JMY: variants seen among roughly 807,000 people sequenced by gnomAD.
The protein encoded by JMY is junction-mediating and -regulatory protein.
In JMY, 46 loss-of-function variants were observed where a neutral mutation model predicts 103.3. The ratio of observed to expected loss-of-function variants is 0.45; its 90% CI spans 0.35 to 0.57. The LOEUF (loss-of-function observed/expected upper bound fraction) is 0.57. JMY is among the 20% of genes least tolerant of loss of function. The pLI is 0.00. For missense variants in JMY, 1,238 were observed against 1,255.2 expected, an observed-to-expected ratio of 0.99 and a Z score of 0.21; for synonymous variants, 526 against 489.3, an observed-to-expected ratio of 1.07 and a Z score of -0.99.
At chr5:79,267,738 A>T (rs1218404600) in intron 1 of JMY, among the ~76,000 whole-genome samples, 2 of 152,234 alleles carry the variant, frequency 1.3e-5, no homozygotes, top group Non-Finnish European at 2.9e-5. Context: ...TTCTTGCCGA[A>T]CATTTCATTG....
chr5:79,281,169 C>CGAGT (rs1746096982), intron 2 of JMY, among the ~76,000 whole-genome samples: 1 of 151,378 alleles, frequency 6.6e-6, no homozygotes, highest in Non-Finnish European at 1.5e-5. Context: ...CTCAGCTTCC[C>CGAGT]GAGTAGCTGG....
At chr5:79,263,371 G>A (rs754021849) in intron 1 of JMY, among the ~76,000 whole-genome samples, 13 of 152,048 alleles carry the variant, frequency 8.5e-5, no homozygotes, top group East Asian at 5.8e-4. Flanking sequence ...GAATATGCAC[G>A]GTCTTTGTTA....
At chr5:79,244,679 G>A (rs1012946423) in intron 1 of JMY, among the ~76,000 whole-genome samples, 3 of 149,272 alleles carry the variant, frequency 2.0e-5, no homozygotes, top group Non-Finnish European at 4.4e-5. Flanking sequence ...TTTTGGTAAC[G>A]AGAAGTTTCC....
chr5:79,280,263 CA>C (rs1746069038), intron 2 of JMY, among the ~76,000 whole-genome samples: 1 of 152,218 alleles, frequency 6.6e-6, no homozygotes, highest in South Asian at 2.1e-4. Flanking sequence ...CATTGTTTAG[CA>C]GACATAATCT....
Position 79,291,287 on chromosome 5 carries a change from A to T in JMY, c.1515A>T (p.Ala505=), listed in dbSNP as rs1171034958. ...KEICLEQRKH[A]LKEEMQSLRG... ...TATGCTTGGAACAGCGGAAACATGC[A>T]CTAAAGGAAGAGGTAACAAAAATCA... The change falls in exon 4 of 11, where the codon GCA becomes GCT. Residue 505 remains alanine, a synonymous_variant. Coordinates refer to ENST00000396137, the MANE Select transcript of JMY (RefSeq NM_152405.5). The T allele has an allele frequency of 1.9e-6, 3 of 1,566,940 alleles. No homozygotes were observed. Among genetic ancestry groups the T allele is most frequent in the Non-Finnish European group, 2.6e-6 (3 of 1,160,296 alleles).
intron 6 of JMY, among the ~76,000 whole-genome samples, chr5:79,302,724 G>T (rs1746775200): frequency 6.6e-6 from 1 of 152,196 alleles, no homozygotes; most frequent in Admixed American, 6.5e-5. Context: ...GTTAAGCAAA[G>T]GGGTAGTATG....
chr5:79,281,075 C>T (rs763531509), intron 2 of JMY, among the ~76,000 whole-genome samples: 8 of 151,524 alleles, frequency 5.3e-5, no homozygotes, highest in East Asian at 1.9e-4. Flanking sequence ...GACAGAGTCT[C>T]GCTCTGTTGC....
chr5:79,287,627 A>G (rs1448634776), intron 2 of JMY, among the ~76,000 whole-genome samples: 4 of 152,204 alleles, frequency 2.6e-5, no homozygotes, highest in African/African-American at 9.6e-5. Flanking sequence ...CCTGCACTCC[A>G]GCCTGGGCAA....
At chr5:79,267,442 G>GT (rs1323275553) in intron 1 of JMY, among the ~76,000 whole-genome samples, 5 of 151,424 alleles carry the variant, frequency 3.3e-5, no homozygotes, top group African/African-American at 1.2e-4. Flanking sequence ...TTTACTCTCT[G>GT]TAGTTTGGCA....
At chr5:79,275,063 C>G (rs1185540125) in intron 1 of JMY, among the ~76,000 whole-genome samples, 1 of 151,990 alleles carries the variant, frequency 6.6e-6, no homozygotes, top group Non-Finnish European at 1.5e-5. Flanking sequence ...CCTTTCATCA[C>G]TGTTCTCTGG....
intron 10 of JMY, among the ~76,000 whole-genome samples, chr5:79,316,542 C>G (rs1011942977): frequency 7.3e-5 from 11 of 151,632 alleles, no homozygotes; most frequent in African/African-American, 2.7e-4. Context: ...TAAAAATGTC[C>G]TCCTCATTAA....
At chr5:79,262,649 G>A (rs982295281) in intron 1 of JMY, among the ~76,000 whole-genome samples, 1 of 152,154 alleles carries the variant, frequency 6.6e-6, no homozygotes, top group African/African-American at 2.4e-5. Context: ...TGTTTTTAAG[G>A]TAGTCTAGTA....
chr5:79,308,872 T>C (rs1435067637), intron 7 of JMY, among the ~76,000 whole-genome samples: 1 of 152,190 alleles, frequency 6.6e-6, no homozygotes. Context: ...TTTTATAATT[T>C]TCCTCATAAA....
chr5:79,299,530 G>T (rs1580363708), intron 4 of JMY, among the ~76,000 whole-genome samples: 2 of 151,120 alleles, frequency 1.3e-5, no homozygotes, highest in South Asian at 2.1e-4. Context: ...TATGAGCCAT[G>T]CCCAGAAATT....
chr5:79,276,976 A>G (rs1016983412), intron 1 of JMY, among the ~76,000 whole-genome samples: 24 of 152,144 alleles, frequency 1.6e-4, no homozygotes, highest in African/African-American at 4.6e-4. Context: ...GCCTCAAGCA[A>G]TCCTCTTACT....
chr5:79,239,556 C>A (rs1050916647), intron 1 of JMY, among the ~76,000 whole-genome samples: 1 of 151,998 alleles, frequency 6.6e-6, no homozygotes, highest in Non-Finnish European at 1.5e-5. Flanking sequence ...CCTGTAATCC[C>A]AACACTTTGG....
chr5:79,255,887 C>G (rs1253840688), intron 1 of JMY, among the ~76,000 whole-genome samples: 1 of 152,230 alleles, frequency 6.6e-6, no homozygotes, highest in Non-Finnish European at 1.5e-5. Flanking sequence ...GACCTGAAGC[C>G]AGCACAGCAC....
At chr5:79,284,044 A>ATTCC in intron 2 of JMY, 2 of 568,926 alleles carry the variant, frequency 3.5e-6, no homozygotes, top group Non-Finnish European at 5.1e-6. Context: ...CAAGGTACAA[A>ATTCC]TTACTTTCTT....
At chr5:79,245,650 A>AGGCC (rs1271558727) in intron 1 of JMY, among the ~76,000 whole-genome samples, 3 of 151,974 alleles carry the variant, frequency 2.0e-5, no homozygotes, top group African/African-American at 7.3e-5. Flanking sequence ...TTTTGAGATG[A>AGGCC]GGCCTCACTC....
Sources: gnomAD v4.1 joint callset for allele counts (sites outside exome capture counted in the v4.1 genomes callset) on GRCh38, gnomAD v4.1.1 for gene constraint, MANE v1.5 for transcripts, NCBI Gene and HGNC (gene_info 2026-07-23, HGNC 2026-07-21) for gene names.